Variants in MGMT observed in about 807,000 individuals in gnomAD.
MGMT encodes O-6-methylguanine-DNA methyltransferase.
A neutral mutation model predicts 15.9 loss-of-function variants in MGMT; 14 were observed. That is an observed-to-expected ratio of 0.88 (90% CI 0.58 to 1.37). MGMT has a LOEUF of 1.37. MGMT is among the 40% of genes most tolerant of loss of function. The pLI is 0.00. For synonymous variants in MGMT, 130 were observed against 118.2 expected (o/e 1.10, Z -0.65); for missense variants, 282 against 268.1 (o/e 1.05, Z -0.36).
intron 2 of MGMT, among the ~76,000 whole-genome samples, chr10:129,559,578 G>A (rs1002405949): frequency 6.6e-6 from 1 of 151,722 alleles, no homozygotes; most frequent in African/African-American, 2.4e-5. Flanking sequence ...ATGTACTCCC[G>A]CTGTAAGGTG....
intron 2 of MGMT, among the ~76,000 whole-genome samples, chr10:129,641,722 T>C (rs1402042671): frequency 2.6e-5 from 4 of 152,234 alleles, no homozygotes; most frequent in African/African-American, 9.6e-5. Context: ...CTGACAATTA[T>C]AGTCTGTGTT....
chr10:129,483,157 A>C (rs141867689), intron 1 of MGMT, among the ~76,000 whole-genome samples: 1 of 152,336 alleles, frequency 6.6e-6, no homozygotes, highest in East Asian at 1.9e-4. Flanking sequence ...ATATAATACA[A>C]CTTCACATGC....
At chr10:129,657,828 G>A (rs1302119704) in intron 2 of MGMT, among the ~76,000 whole-genome samples, 3 of 151,990 alleles carry the variant, frequency 2.0e-5, no homozygotes, top group African/African-American at 4.8e-5. Context: ...TGAGGCCCCC[G>A]TTGTCATGGA....
At chr10:129,730,334 T>A (rs1287080855) in intron 3 of MGMT, among the ~76,000 whole-genome samples, 1 of 152,208 alleles carries the variant, frequency 6.6e-6, no homozygotes, top group Non-Finnish European at 1.5e-5. Flanking sequence ...ATTATTGTTT[T>A]GCATGCATTG....
At chr10:129,565,323 C>A (rs1589869836) in intron 2 of MGMT, among the ~76,000 whole-genome samples, 1 of 151,816 alleles carries the variant, frequency 6.6e-6, no homozygotes, top group Non-Finnish European at 1.5e-5. Flanking sequence ...AAGACACAGT[C>A]TACCCTCTGA....
intron 1 of MGMT, among the ~76,000 whole-genome samples, chr10:129,498,809 G>A (rs1189168670): frequency 6.6e-6 from 1 of 152,200 alleles, no homozygotes; most frequent in African/African-American, 2.4e-5. Context: ...ATGTTTAGCA[G>A]CCAAGATCTG....
At chr10:129,531,437 T>C (rs925447215) in intron 1 of MGMT, among the ~76,000 whole-genome samples, 2 of 152,084 alleles carry the variant, frequency 1.3e-5, no homozygotes, top group African/African-American at 2.4e-5. Flanking sequence ...GCCTGATTTC[T>C]GCCTTTTGTG....
intron 3 of MGMT, among the ~76,000 whole-genome samples, chr10:129,713,174 G>T (rs1022967414): frequency 3.9e-5 from 6 of 152,292 alleles, no homozygotes; most frequent in Non-Finnish European, 7.4e-5. Flanking sequence ...TTGCCACCAC[G>T]TGTGGGTGGC....
chr10:129,515,714 C>T (rs1480578941), intron 1 of MGMT, among the ~76,000 whole-genome samples: 5 of 152,122 alleles, frequency 3.3e-5, no homozygotes, highest in Non-Finnish European at 7.4e-5. Context: ...AGTGGTATGA[C>T]CTCAAGGGAA....
At chr10:129,503,790 G>T (rs572543766) in intron 1 of MGMT, among the ~76,000 whole-genome samples, 1 of 152,334 alleles carries the variant, frequency 6.6e-6, no homozygotes, top group South Asian at 2.1e-4. Flanking sequence ...GGGCTGAAAT[G>T]TTGTATTCTC....
chr10:129,618,689 A>C (rs1032895895), intron 2 of MGMT, among the ~76,000 whole-genome samples: 5 of 77,760 alleles, frequency 6.4e-5, no homozygotes, highest in African/African-American at 1.0e-4. Context: ...TTGGTATACA[A>C]ATCTTTTAAA....
intron 1 of MGMT, among the ~76,000 whole-genome samples, chr10:129,470,852 C>T (rs1285441653): frequency 2.0e-5 from 3 of 152,156 alleles, no homozygotes; most frequent in Non-Finnish European, 4.4e-5. Flanking sequence ...TGTTCTAAAA[C>T]CAGTAAAAAA....
At chr10:129,486,216 C>T (rs1243239875) in intron 1 of MGMT, among the ~76,000 whole-genome samples, 1 of 132,166 alleles carries the variant, frequency 7.6e-6, no homozygotes, top group East Asian at 2.2e-4. Flanking sequence ...TAGACAGAGT[C>T]TTGCTCTGTT....
chr10:129,750,855 T>G (rs561511559), intron 3 of MGMT, among the ~76,000 whole-genome samples: 8 of 152,250 alleles, frequency 5.3e-5, no homozygotes, highest in African/African-American at 1.7e-4. Flanking sequence ...AGTTTCATAA[T>G]GTAGATTTAT....
chr10:129,540,476 A>G (rs989096787), intron 2 of MGMT, among the ~76,000 whole-genome samples: 18 of 152,330 alleles, frequency 1.2e-4, no homozygotes, highest in African/African-American at 3.8e-4. Flanking sequence ...GGATTTCACC[A>G]GTGAGGACTT....
Position 129,715,499 on chromosome 10 carries a change from A to G in MGMT, c.274+7456A>G, listed in dbSNP as rs922229325. On this transcript the variant is annotated intron_variant, in intron 3 of 4. Transcript: ENST00000651593. ...ACACTTTTCACTTAAATATGTTTCT[A>G]AATTTCTATTTCCACTGTAGTCATT... The G allele has an allele frequency of 2.6e-5, 4 of 152,212 alleles. No individual in the cohort carries two copies. The East Asian group carries it at 7.7e-4, about 29-fold the overall frequency. 9.4% of individuals were successfully genotyped at this position (152,212 alleles called of 1,614,324 possible). A position where few individuals can be genotyped will look rare whatever the true frequency, so the allele number is the denominator to read the frequency against.
In MGMT at chr10:129,536,156, T is replaced by C. The variant is rs1361150501; in HGVS notation, c.-12-85T>C. On this transcript the variant is annotated intron_variant, in intron 1 of 4. Transcript: ENST00000651593. ...GAGCTTTGGAATATATTTTGTGTCTTAAATAACCAGTACTTCTGTTGTGTG... is the reference window on the plus strand; with the variant it reads ...GAGCTTTGGAATATATTTTGTGTCTCAAATAACCAGTACTTCTGTTGTGTG... 4 of 1,443,008 alleles carry C rather than the reference T, an allele frequency of 2.8e-6. No homozygotes were observed. In the African/African-American group the frequency reaches 4.3e-5, roughly 16 times the overall value. The allele number at this position is 1,443,008 out of a possible 1,614,324, so 89.4% of individuals were successfully genotyped here.
chr10:129,467,957 T>C (rs1308369084), intron 1 of MGMT, among the ~76,000 whole-genome samples: 1 of 152,222 alleles, frequency 6.6e-6, no homozygotes, highest in African/African-American at 2.4e-5. Context: ...TTGCTCTCAG[T>C]TGCTTCAGCT....
At chr10:129,518,337 TACACACACACAC>T (rs61316662) in intron 1 of MGMT, among the ~76,000 whole-genome samples, 1 of 119,580 alleles carries the variant, frequency 8.4e-6, no homozygotes, top group Non-Finnish European at 1.8e-5. Context: ...TACACACACA[TACACACACACAC>T]ACACACACAC....
Sources: gnomAD v4.1 joint callset for allele counts (sites outside exome capture counted in the v4.1 genomes callset) on GRCh38, gnomAD v4.1.1 for gene constraint, MANE v1.5 for transcripts, NCBI Gene and HGNC (gene_info 2026-07-23, HGNC 2026-07-21) for gene names.